Variants in MYLK2 observed in about 807,000 individuals in gnomAD.
MYLK2 encodes myosin light chain kinase 2, skeletal/cardiac muscle.
A neutral mutation model predicts 58.2 loss-of-function variants in MYLK2; 27 were observed. The observed-to-expected ratio is 0.46, with a 90% CI of 0.34 to 0.64. The LOEUF (loss-of-function observed/expected upper bound fraction) is 0.64. MYLK2 is among the 30% of genes least tolerant of loss of function. The pLI is 0.01. For missense variants in MYLK2, 676 were observed against 764.3 expected (o/e 0.88, Z 1.36); for synonymous variants, 310 against 296.7 (o/e 1.04, Z -0.46).
chr20:31,827,132 A>AG (rs201098253), intron 8 of MYLK2, 194 bp downstream of exon 8: 55 of 894,630 alleles, frequency 6.1e-5, no homozygotes, highest in Middle Eastern at 5.7e-4. Flanking sequence ...AAAGAGAGAG[A>AG]GGGGGGGAAA....
chr20:31,821,956 G>A (rs147871276), intron 4 of MYLK2, among the ~76,000 whole-genome samples: 54 of 152,226 alleles, frequency 3.5e-4, no homozygotes, highest in African/African-American at 8.9e-4. Flanking sequence ...GTCTTGCTAC[G>A]TTGCCCAGGC....
chr20:31,828,099 G>T, intron 8 of MYLK2: 1 of 758,112 alleles, frequency 1.3e-6, no homozygotes, highest in Non-Finnish European at 1.6e-6. Context: ...TGCTGGTCAG[G>T]CTGGTCTTGA....
At chr20:31,826,464 G>C (rs11907637) in intron 6 of MYLK2, 141 bp from the exon 7 acceptor site, 5 of 1,115,252 alleles carry the variant, frequency 4.5e-6, no homozygotes, top group Non-Finnish European at 6.5e-6. Flanking sequence ...ATGTGGGGGT[G>C]GGGGAGAGAG....
intron 5 of MYLK2, 89 bp downstream of exon 5, chr20:31,823,671 C>A: frequency 7.9e-7 from 1 of 1,268,958 alleles, no homozygotes; most frequent in East Asian, 2.3e-5. Context: ...AAGGCCCAGA[C>A]ACACACCCCG....
In MYLK2 at chr20:31,819,439, C is replaced by T; in HGVS notation, c.-49+11C>T. On this transcript the variant is annotated intron_variant, in intron 1 of 12. Transcript: ENST00000375985. Reference sequence around the variant, plus strand: ...CCCTCTTTGCTCCAGGTACCTCTCTCCCCTCAGTTAGCAGGCCTCGGCTTC... The same window carrying T: ...CCCTCTTTGCTCCAGGTACCTCTCTTCCCTCAGTTAGCAGGCCTCGGCTTC... The T allele has an allele frequency of 1.8e-6, 2 of 1,140,702 alleles. No individual in the cohort carries two copies. Among genetic ancestry groups the T allele is most frequent in the Non-Finnish European group, 2.6e-6 (2 of 779,338 alleles). 70.7% of individuals were successfully genotyped at this position (1,140,702 alleles called of 1,614,324 possible).
At chr20:31,827,682 C>T (rs1219576618) in intron 8 of MYLK2, 13 of 363,936 alleles carry the variant, frequency 3.6e-5, no homozygotes, top group Non-Finnish European at 4.6e-5. Context: ...CCACACCCAG[C>T]TAATTTTTGC....
chr20:31,820,019 G>A (rs1190863527), intron 2 of MYLK2, 107 bp from the exon 3 acceptor site: 2 of 1,430,902 alleles, frequency 1.4e-6, no homozygotes, highest in African/African-American at 1.4e-5. Context: ...GCATTTGCAA[G>A]TTGTTGCCTG....
At position 31,823,577 on chromosome 20, in the gene MYLK2, C is replaced by T. The variant is rs376109865; in HGVS notation, c.873C>T (p.Leu291=). The change falls in exon 5 of 13, where the codon CTC becomes CTT. Residue 291 remains leucine (L), a synonymous_variant. Coordinates refer to ENST00000375985, the MANE Select transcript of MYLK2 (RefSeq NM_033118.4). ...SEFSMNSKEA[L]GGGKFGAVCT... ...TCAGTATGAACTCCAAGGAGGCGCT[C>T]GGAGGGTGAGATCTGGGACCCCAGC... 8 of 1,613,650 alleles carry T rather than the reference C, an allele frequency of 5.0e-6. No individual in the cohort carries two copies. The highest frequency in any genetic ancestry group is 2.2e-5 in the East Asian group (1 of 44,892).
At position 31,828,222 on chromosome 20, in the gene MYLK2, A is replaced by G. The variant is rs549139224; in HGVS notation, c.1224+1284A>G. 2.0e-5 allele frequency: 20 copies of G among 985,370 alleles called. No homozygotes were observed. The Admixed American group carries it at 3.1e-4, about 15-fold the overall frequency. The allele number at this position is 985,370 out of a possible 1,614,324, so 61.0% of individuals were successfully genotyped here. On this transcript the variant is annotated intron_variant, in intron 8 of 12. Transcript: ENST00000375985. Reference sequence around the variant, plus strand: ...TGTATACATTGCAGCAACTCCAGTCAGTTGTCCGTAGCTGTCCGGAGCTGA... The same window carrying G: ...TGTATACATTGCAGCAACTCCAGTCGGTTGTCCGTAGCTGTCCGGAGCTGA...
chr20:31,819,696 G>A (rs2062241899), intron 2 of MYLK2, 64 bp downstream of exon 2: 2 of 1,536,068 alleles, frequency 1.3e-6, no homozygotes, highest in South Asian at 1.2e-5. Context: ...ATCCAGGACT[G>A]GGCAGGTTCC....
Position 31,832,031 on chromosome 20 carries a change from C to G in MYLK2, c.1605C>G (p.Leu535=). 1 of 1,608,038 alleles carries G rather than the reference C, an allele frequency of 6.2e-7. No individual in the cohort carries two copies. Residue 535 remains leucine (L), a synonymous_variant, in exon 12 of 13, where the codon CTC becomes CTG. Coordinates refer to ENST00000375985, the MANE Select transcript of MYLK2 (RefSeq NM_033118.4). ...QRARMNAAQC[L]AHPWLNNLAE... ...CCCGGATGAACGCTGCCCAGTGTCT[C>G]GCCCATCCCTGGCTCAACAACCTGG...
In MYLK2 at chr20:31,834,352, C is replaced by A. The variant is rs1024360813; in HGVS notation, c.*555C>A. 1.2e-5 allele frequency: 2 copies of A among 164,024 alleles called. No homozygotes were observed. The highest frequency in any genetic ancestry group is 5.7e-5 in the Admixed American group (1 of 17,396). 10.2% of individuals were successfully genotyped at this position (164,024 alleles called of 1,614,324 possible). On this transcript the variant is annotated 3_prime_UTR_variant, in exon 13 of 13. Transcript: ENST00000375985. The stretch of plus-strand genomic sequence containing the variant: ...CCATGCCCCCGCCACCTCCCCACTC[C>A]AGCAGATAAGGCCGAGCCCACACCA...
In MYLK2 at chr20:31,834,085, G is replaced by A. The variant is rs533830736; in HGVS notation, c.*288G>A. On this transcript the variant is annotated 3_prime_UTR_variant, in exon 13 of 13. Coordinates refer to ENST00000375985, the MANE Select transcript of MYLK2 (RefSeq NM_033118.4). The stretch of plus-strand genomic sequence containing the variant: ...CCAGGCCCCCGTTGAAGCCGCTCCC[G>A]GTTCCCTCCCCAGCTCCTCGTCTTT... The A allele has an allele frequency of 1.6e-4, 78 of 485,434 alleles. No individual in the cohort carries two copies. The highest frequency in any genetic ancestry group is 1.1e-3 in the African/African-American group (55 of 51,330). 30.1% of individuals were successfully genotyped at this position (485,434 alleles called of 1,614,324 possible). A position where few individuals can be genotyped will look rare whatever the true frequency, so the allele number is the denominator to read the frequency against.
At position 31,833,997 on chromosome 20, in the gene MYLK2, C is replaced by T; in HGVS notation, c.*200C>T. 1 of 595,892 alleles carries T rather than the reference C, an allele frequency of 1.7e-6. No homozygotes were observed. Among genetic ancestry groups the T allele is most frequent in the Non-Finnish European group, 3.0e-6 (1 of 334,468 alleles). 36.9% of individuals were successfully genotyped at this position (595,892 alleles called of 1,614,324 possible). ...GATGTGAGCCGCCTCGGAGTGTGGC[C>T]TGGATCCATCCTGCTAGCACCTCCC... is the stretch of plus-strand genomic sequence containing the variant. On this transcript the variant is annotated 3_prime_UTR_variant, in exon 13 of 13. Coordinates refer to ENST00000375985, the MANE Select transcript of MYLK2 (RefSeq NM_033118.4).
At chr20:31,828,386 A>T (rs921678881) in intron 8 of MYLK2, 1 of 985,268 alleles carries the variant, frequency 1.0e-6, no homozygotes, top group Non-Finnish European at 1.2e-6. Flanking sequence ...ACCCATCAGC[A>T]AAGTGGATGG....
At position 31,820,678 on chromosome 20, in the gene MYLK2, C is replaced by A; in HGVS notation, c.473+132C>A. 4 of 1,190,354 alleles carry A rather than the reference C, an allele frequency of 3.4e-6. No individual in the cohort carries two copies. The South Asian group carries it at 4.0e-5, about 12-fold the overall frequency. 73.7% of individuals were successfully genotyped at this position (1,190,354 alleles called of 1,614,324 possible). A position where few individuals can be genotyped will look rare whatever the true frequency, so the allele number is the denominator to read the frequency against. Reference sequence around the variant, plus strand: ...GGAGTGTAGTTCTGACATTCAGTTTCCTCTGTCCTGTGAATTGCCTCTACC... The same window carrying A: ...GGAGTGTAGTTCTGACATTCAGTTTACTCTGTCCTGTGAATTGCCTCTACC... On this transcript the variant is annotated intron_variant, in intron 3 of 12. Transcript: ENST00000375985.
intron 8 of MYLK2, chr20:31,827,145 A>G: frequency 5.1e-6 from 5 of 984,712 alleles, no homozygotes; most frequent in Non-Finnish European, 6.0e-6. Context: ...GGGGGAAAAA[A>G]AAAAGACGTG....
intron 12 of MYLK2, 24 bp downstream of exon 12, chr20:31,832,160 A>G (rs1303087106): frequency 1.0e-5 from 9 of 877,930 alleles, no homozygotes; most frequent in Admixed American, 3.8e-5. Context: ...CAGGGTGGGG[A>G]GGGAGGGCTT....
chr20:31,833,682 G>A (rs1382180067), intron 12 of MYLK2, 35 bp from the exon 13 acceptor site: 8 of 1,589,710 alleles, frequency 5.0e-6, no homozygotes, highest in Non-Finnish European at 6.0e-6. Flanking sequence ...CCCTGCCCTG[G>A]TGTTGACTGG....
Sources: gnomAD v4.1 joint callset for allele counts (sites outside exome capture counted in the v4.1 genomes callset) on GRCh38, gnomAD v4.1.1 for gene constraint, MANE v1.5 for transcripts, NCBI Gene and HGNC (gene_info 2026-07-23, HGNC 2026-07-21) for gene names.